DOCK6: variants seen among roughly 807,000 people sequenced by gnomAD.
DOCK6 encodes dedicator of cytokinesis protein 6.
A neutral mutation model predicts 230.3 loss-of-function variants in DOCK6; 167 were observed. The observed-to-expected ratio is 0.73, with a 90% CI of 0.64 to 0.82. The LOEUF is 0.82. Among genes scored for constraint, DOCK6 ranks in the 40% least tolerant of loss-of-function variants. The pLI, the probability that DOCK6 is intolerant of heterozygous loss-of-function variation, is 0.00. For missense variants in DOCK6, 2,598 were observed against 2,825.8 expected (o/e 0.92, Z 1.83); for synonymous variants, 1,148 against 1,185.0 (o/e 0.97, Z 0.64).
chr19:11,235,799 C>T (rs1370044918), intron 20 of DOCK6, 40 bp from the exon 21 acceptor site: 6 of 1,545,894 alleles, frequency 3.9e-6, no homozygotes, highest in African/African-American at 1.4e-5. Flanking sequence ...GGGCCCAAGG[C>T]CTCTCACCTC....
At chr19:11,234,893 T>C (rs756863133) in intron 21 of DOCK6, among the ~76,000 whole-genome samples, 3 of 152,126 alleles carry the variant, frequency 2.0e-5, no homozygotes, top group Non-Finnish European at 4.4e-5. Context: ...CTCAGGGCCT[T>C]TGCACATGCT....
rs111876418 is a variant in DOCK6 at position 11,260,754 on chromosome 19, G to A, written c.44+1643C>T. Among the ~76,000 whole-genome samples the A allele has an allele frequency of 2.5e-4, 38 of 149,868 alleles. 1 individual carries two copies. The highest frequency in any genetic ancestry group is 8.8e-4 in the African/African-American group (36 of 40,942). ...AAAAATTAGCTGGGTGTGGTAGTGG[G>A]CGCCTGTAACCCCAGCTACTCAGGA... On this transcript the variant is annotated intron_variant, in intron 1 of 47. Coordinates refer to ENST00000294618, the MANE Select transcript of DOCK6 (RefSeq NM_020812.4).
intron 18 of DOCK6, 123 bp downstream of exon 18, chr19:11,237,333 G>A (rs1302919317): frequency 1.2e-5 from 12 of 990,278 alleles, no homozygotes; most frequent in African/African-American, 4.8e-5. Context: ...TGAGCTACAC[G>A]GGGGCCCTGG....
chr19:11,219,632 C>CA (rs1018161108), intron 28 of DOCK6, among the ~76,000 whole-genome samples: 37 of 150,852 alleles, frequency 2.5e-4, no homozygotes, highest in African/African-American at 6.5e-4. Context: ...CCTAAAAATA[C>CA]AAAAAAAACT....
chr19:11,259,556 C>CTTTTCTT (rs1555698569), intron 1 of DOCK6, among the ~76,000 whole-genome samples: 1 of 103,644 alleles, frequency 9.6e-6, no homozygotes, highest in African/African-American at 3.5e-5. Flanking sequence ...TATTTCTTTT[C>CTTTTCTT]TTTTTTTTTT....
At chr19:11,231,120 C>T (rs2079759279) in intron 22 of DOCK6, among the ~76,000 whole-genome samples, 1 of 152,198 alleles carries the variant, frequency 6.6e-6, no homozygotes, top group South Asian at 2.1e-4. Flanking sequence ...TAGGAGTCCC[C>T]TGGGCCTGTC....
rs2079588500 is a variant in DOCK6, at chr19:11,222,062, C to G, written c.3381-42G>C. 6.2e-7 allele frequency: 1 copy of G among 1,606,726 alleles called. No homozygotes were observed. Among genetic ancestry groups the G allele is most frequent in the African/African-American group, 1.3e-5 (1 of 74,816 alleles). ...TGCTCAGGACAGGGTGGACATGGCT[C>G]CTGGACTGTCCCACCTGTCCTGGGG... is the stretch of plus-strand genomic sequence containing the variant. On this transcript the variant is annotated intron_variant, in intron 27 of 47. Transcript: ENST00000294618. The surrounding 1 kb of genome is among the most constrained non-coding windows in gnomAD (Gnocchi z 4.0).
chr19:11,216,778 A>G, intron 30 of DOCK6, 136 bp downstream of exon 30: 1 of 870,506 alleles, frequency 1.1e-6, no homozygotes, highest in East Asian at 2.6e-5. Flanking sequence ...GAAACAGTCC[A>G]CCCCTTTCCT....
intron 23 of DOCK6, among the ~76,000 whole-genome samples, chr19:11,228,540 C>T (rs931066362): frequency 6.8e-6 from 1 of 146,936 alleles, no homozygotes; most frequent in Admixed American, 6.8e-5. Context: ...ATCTCAGGTG[C>T]AATTTCAGGG....
Position 11,243,425 on chromosome 19 carries a change from TG to T in DOCK6, c.1259-41del. ...GACAATGACAAAAGGGGGACCAAGATGAAACAGGGAGACTCAGGGGCGGCAC... is the reference window on the plus strand; with the variant it reads ...GACAATGACAAAAGGGGGACCAAGATAAACAGGGAGACTCAGGGGCGGCAC... On this transcript the variant is annotated intron_variant, in intron 11 of 47. Coordinates refer to ENST00000294618, the MANE Select transcript of DOCK6 (RefSeq NM_020812.4). This position sits in a 1 kb window ranked among gnomAD's most constrained non-coding sequence, Gnocchi z 6.3. The T allele has an allele frequency of 6.3e-7, 1 of 1,588,834 alleles. No homozygotes were observed.
chr19:11,224,196 T>C (rs2079626342), intron 24 of DOCK6, among the ~76,000 whole-genome samples: 2 of 150,280 alleles, frequency 1.3e-5, no homozygotes, highest in African/African-American at 2.5e-5. Context: ...TTACTTTTCT[T>C]TCTTTCTTTC....
chr19:11,231,931 T>A (rs1392254882), intron 22 of DOCK6, among the ~76,000 whole-genome samples: 1 of 152,180 alleles, frequency 6.6e-6, no homozygotes, highest in African/African-American at 2.4e-5. Flanking sequence ...TGCACTTCGT[T>A]TGCATGCGAT....
At chr19:11,247,049 C>A (rs1341585028) in intron 7 of DOCK6, among the ~76,000 whole-genome samples, 1 of 152,154 alleles carries the variant, frequency 6.6e-6, no homozygotes, top group Non-Finnish European at 1.5e-5. Flanking sequence ...CTTATCCCGG[C>A]TCTGTGTGGT....
chr19:11,202,778 G>T lies in DOCK6; in HGVS notation c.5236-69C>A, dbSNP rs1320017382. On this transcript the variant is annotated intron_variant, in intron 41 of 47. Coordinates refer to ENST00000294618, the MANE Select transcript of DOCK6 (RefSeq NM_020812.4). This position sits in a 1 kb window ranked among gnomAD's most constrained non-coding sequence, Gnocchi z 5.3. ...TGGAGGTCTCCCTGCCCCAGAGATA[G>T]GTGTCTCGAATATCAGGATGGGAGT... 3 of 1,603,626 alleles carry T rather than the reference G, an allele frequency of 1.9e-6. No homozygotes were observed. Among genetic ancestry groups the T allele is most frequent in the African/African-American group, 2.7e-5 (2 of 74,920 alleles).
rs566868603 is a variant in DOCK6 at position 11,224,658 on chromosome 19, G to C, written c.2956-1552C>G. On this transcript the variant is annotated intron_variant, in intron 24 of 47. Transcript: ENST00000294618. Reference sequence around the variant, plus strand: ...GAGGCAGGATGTGCCTAGCAAGTCCGGGGAACAGTGAGGTGGCTGATGTGG... The same window carrying C: ...GAGGCAGGATGTGCCTAGCAAGTCCCGGGAACAGTGAGGTGGCTGATGTGG... Among the ~76,000 whole-genome samples, 15 of 152,298 alleles carry C rather than the reference G, an allele frequency of 9.8e-5. No individual in the cohort carries two copies. In the East Asian group the frequency reaches 2.3e-3, roughly 23 times the overall value.
Position 11,254,087 on chromosome 19 carries a change from C to T in DOCK6, c.45-361G>A, listed in dbSNP as rs560536307. ...CCATCCTGCTGTTCCCCAACACACC[C>T]AGCCCTGCCCCTGGACCCCATCCAG... On this transcript the variant is annotated intron_variant, in intron 1 of 47. Coordinates refer to ENST00000294618, the MANE Select transcript of DOCK6 (RefSeq NM_020812.4). 9.1e-4 allele frequency: 192 copies of T among 211,744 alleles called. 1 individual carries two copies. The highest frequency in any genetic ancestry group is 3.9e-4 in the Non-Finnish European group (42 of 107,078). 13.1% of individuals were successfully genotyped at this position (211,744 alleles called of 1,614,324 possible).
chr19:11,238,927 C>G (rs376861076), intron 14 of DOCK6: 1 of 155,522 alleles, frequency 6.4e-6, no homozygotes, highest in South Asian at 2.0e-4. Context: ...GCACCAAACA[C>G]TATTACTACA....
At chr19:11,215,670 G>C (rs1802426676) in intron 31 of DOCK6, 131 bp downstream of exon 31, 1 of 1,489,792 alleles carries the variant, frequency 6.7e-7, no homozygotes, top group African/African-American at 1.4e-5. Context: ...GTACGGTGAT[G>C]ATTTGTGGAC....
intron 37 of DOCK6, 87 bp from the exon 38 acceptor site, chr19:11,209,190 T>C: frequency 2.0e-6 from 3 of 1,475,152 alleles, no homozygotes; most frequent in Non-Finnish European, 2.8e-6. Flanking sequence ...CTTCACTGGT[T>C]ACCCCCATGT....
Sources: allele counts gnomAD v4.1 joint callset (sites outside exome capture counted in the v4.1 genomes callset), GRCh38; gene constraint gnomAD v4.1.1; non-coding constraint Gnocchi (gnomAD v3.1); transcripts MANE v1.5; gene names NCBI Gene and HGNC (gene_info 2026-07-23, HGNC 2026-07-21).